Variants in PLSCR4 observed in about 807,000 individuals in gnomAD.
PLSCR4 encodes phospholipid scramblase 4.
A neutral mutation model predicts 36.3 loss-of-function variants in PLSCR4; 25 were observed. That is an observed-to-expected ratio of 0.69 (90% confidence interval 0.50 to 0.96). The LOEUF is 0.96. Among genes scored for constraint, PLSCR4 ranks in the 40% least tolerant of loss-of-function variants. The pLI is 0.00. For synonymous variants in PLSCR4, 122 were observed against 132.9 expected (o/e 0.92, Z 0.56); for missense variants, 408 against 414.7 (o/e 0.98, Z 0.14).
chr3:146,199,430 C>A (rs539499518), intron 6 of PLSCR4, among the ~76,000 whole-genome samples: 1 of 152,200 alleles, frequency 6.6e-6, no homozygotes, highest in East Asian at 1.9e-4. Context: ...GTACTCTAAA[C>A]ATATTTAAGT....
intron 1 of PLSCR4, among the ~76,000 whole-genome samples, chr3:146,245,664 T>C (rs1278567288): frequency 6.6e-6 from 1 of 152,078 alleles, no homozygotes; most frequent in Non-Finnish European, 1.5e-5. Flanking sequence ...ATTATAATGA[T>C]AGCAATGTTT....
rs2033462348 is a variant in PLSCR4, at chr3:146,192,732, A to G, written c.*1679T>C. On this transcript the variant is annotated 3_prime_UTR_variant, in exon 9 of 9. Transcript: ENST00000354952. The stretch of plus-strand genomic sequence containing the variant: ...CTATTTAAATATCAGACATCATTAT[A>G]GGAAATACATAGTCTACTTACGATT... 1 of 152,062 alleles carries G rather than the reference A, an allele frequency of 6.6e-6. No individual in the cohort carries two copies. The highest frequency in any genetic ancestry group is 2.4e-5 in the African/African-American group (1 of 41,454). 9.4% of individuals were successfully genotyped at this position (152,062 alleles called of 1,614,324 possible).
chr3:146,243,120 G>A (rs1398228666), intron 1 of PLSCR4, among the ~76,000 whole-genome samples: 3 of 152,084 alleles, frequency 2.0e-5, no homozygotes, highest in Non-Finnish European at 4.4e-5. Context: ...AAAAAAATTT[G>A]TAAGAATTAG....
chr3:146,236,446 G>A (rs1365999110), intron 1 of PLSCR4, among the ~76,000 whole-genome samples: 1 of 152,138 alleles, frequency 6.6e-6, no homozygotes, highest in African/African-American at 2.4e-5. Flanking sequence ...GTTTGGCTGT[G>A]TCCCCACCGA....
chr3:146,225,620 C>T lies in PLSCR4; in HGVS notation c.-21-3528G>A, dbSNP rs548802158. Among the ~76,000 whole-genome samples the T allele has an allele frequency of 2.1e-3, 321 of 152,292 alleles. 3 individuals are homozygous for T. Among genetic ancestry groups the T allele is most frequent in the African/African-American group, 7.3e-3 (304 of 41,554 alleles). ...CTTGGTGAGAAATCGAGCACAGCAC[C>T]GGTGGGCTGGCACTGCTGGAGGACT... On this transcript the variant is annotated intron_variant, in intron 1 of 8. Transcript: ENST00000354952.
rs1038074192 is a variant in PLSCR4, at chr3:146,192,509, A to G, written c.*1902T>C. The G allele has an allele frequency of 1.3e-5, 2 of 151,502 alleles. No homozygotes were observed. The highest frequency in any genetic ancestry group is 4.8e-5 in the African/African-American group (2 of 41,390). 9.4% of individuals were successfully genotyped at this position (151,502 alleles called of 1,614,324 possible). On this transcript the variant is annotated 3_prime_UTR_variant, in exon 9 of 9. Transcript: ENST00000354952. ...TGTATTAAAACTATGACATATGACAATATTATATAAAGAAAATTTTAACTC... is the reference window on the plus strand; with the variant it reads ...TGTATTAAAACTATGACATATGACAGTATTATATAAAGAAAATTTTAACTC...
At chr3:146,228,254 G>T (rs1452368231) in intron 1 of PLSCR4, among the ~76,000 whole-genome samples, 1 of 152,188 alleles carries the variant, frequency 6.6e-6, no homozygotes, top group Non-Finnish European at 1.5e-5. Flanking sequence ...ACATACTGAT[G>T]AAGAGACCAA....
At chr3:146,228,023 T>A (rs2035549677) in intron 1 of PLSCR4, among the ~76,000 whole-genome samples, 1 of 152,052 alleles carries the variant, frequency 6.6e-6, no homozygotes, top group Non-Finnish European at 1.5e-5. Flanking sequence ...TGGTCCAGAG[T>A]GGGTTCAAAT....
Position 146,200,021 on chromosome 3 carries a change from G to C in PLSCR4, c.416C>G (p.Thr139Ser). 1 of 1,582,162 alleles carries C rather than the reference G, an allele frequency of 6.3e-7. No homozygotes were observed. The highest frequency in any genetic ancestry group is 8.7e-7 in the Non-Finnish European group (1 of 1,151,632). The change falls in exon 6 of 9, where the codon ACT (threonine) becomes AGT (serine). Residue 139 changes from threonine to serine, a missense_variant. By Grantham distance (58) the Thr-to-Ser change is moderately conservative. Transcript: ENST00000354952. ...GTTTTTAATATCATATCTATTATTAGTTTCAAAACATGTCATCACTAAAAA... is the reference window on the plus strand; with the variant it reads ...GTTTTTAATATCATATCTATTATTACTTTCAAAACATGTCATCACTAAAAA... ...EPLEMMTCFE[T>S]NNRYDIKNNS...
intron 6 of PLSCR4, among the ~76,000 whole-genome samples, chr3:146,197,343 T>C (rs1335310815): frequency 2.0e-5 from 3 of 152,166 alleles, no homozygotes; most frequent in African/African-American, 2.4e-5. Context: ...ACCTCAGAAC[T>C]TGGAGATGAG....
intron 4 of PLSCR4, 64 bp from the exon 5 acceptor site, chr3:146,201,141 T>C (rs2034027465): frequency 3.1e-6 from 3 of 974,040 alleles, no homozygotes; most frequent in Non-Finnish European, 4.6e-6. Context: ...CACTGTAAAA[T>C]AAACTGATGA....
chr3:146,220,390 T>C (rs1432028273), intron 3 of PLSCR4, among the ~76,000 whole-genome samples: 2 of 152,156 alleles, frequency 1.3e-5, no homozygotes, highest in East Asian at 3.9e-4. Flanking sequence ...CATACCAGAT[T>C]TTCATGACCC....
chr3:146,227,855 C>T (rs777287925), intron 1 of PLSCR4, among the ~76,000 whole-genome samples: 11 of 152,220 alleles, frequency 7.2e-5, no homozygotes, highest in Non-Finnish European at 1.3e-4. Context: ...AAGTCCTACA[C>T]CAGCTACCAT....
intron 3 of PLSCR4, among the ~76,000 whole-genome samples, chr3:146,217,777 A>G (rs1030794840): frequency 5.3e-5 from 8 of 152,342 alleles, no homozygotes; most frequent in Non-Finnish European, 5.9e-5. Flanking sequence ...GCTGGTGATC[A>G]TTGAGTTTGA....
chr3:146,224,421 G>A (rs949656455), intron 1 of PLSCR4, among the ~76,000 whole-genome samples: 2 of 152,166 alleles, frequency 1.3e-5, no homozygotes, highest in African/African-American at 2.4e-5. Flanking sequence ...CTGACTTCAA[G>A]AACGAAGCCG....
intron 8 of PLSCR4, 104 bp downstream of exon 8, chr3:146,195,020 G>C (rs539057836): frequency 1.1e-6 from 1 of 931,482 alleles, no homozygotes; most frequent in Non-Finnish European, 1.6e-6. Flanking sequence ...GTGGCACAGA[G>C]ATAAGTTGGA....
chr3:146,220,091 T>C, intron 3 of PLSCR4, among the ~76,000 whole-genome samples: 1 of 152,130 alleles, frequency 6.6e-6, no homozygotes, highest in East Asian at 1.9e-4. Flanking sequence ...GTCTACATCA[T>C]TATGTAAGTC....
At chr3:146,194,493 T>A (rs1237256183) in intron 8 of PLSCR4, 38 bp from the exon 9 acceptor site, 2 of 1,175,974 alleles carry the variant, frequency 1.7e-6, no homozygotes, top group South Asian at 2.4e-5. Flanking sequence ...GATATATAGA[T>A]AATTAGGTAT....
chr3:146,240,108 A>G (rs990343137), intron 1 of PLSCR4, among the ~76,000 whole-genome samples: 1 of 152,224 alleles, frequency 6.6e-6, no homozygotes, highest in African/African-American at 2.4e-5. Flanking sequence ...CAGAACCCAC[A>G]GAATGAGATA....
Sources: gnomAD v4.1 joint callset for allele counts (sites outside exome capture counted in the v4.1 genomes callset) on GRCh38, gnomAD v4.1.1 for gene constraint, MANE v1.5 for transcripts, NCBI Gene and HGNC (gene_info 2026-07-23, HGNC 2026-07-21) for gene names.